HDAC9: variants seen among roughly 807,000 people sequenced by gnomAD.
HDAC9 encodes the protein MEF-2 interacting transcription repressor (MITR) protein.
In HDAC9, 41 loss-of-function variants were observed where a neutral mutation model predicts 139.4. That is an observed-to-expected ratio of 0.29 (90% confidence interval 0.23 to 0.38). HDAC9 has a LOEUF of 0.38. HDAC9 is among the 10% of genes least tolerant of loss of function. The pLI, the probability that HDAC9 is intolerant of heterozygous loss-of-function variation, is 1.00. For synonymous variants in HDAC9, 517 were observed against 476.2 expected (o/e 1.09, Z -1.12); for missense variants, 1,147 against 1,297.0 (o/e 0.88, Z 1.78).
chr7:18,725,648 G>A (rs573292664), intron 12 of HDAC9, among the ~76,000 whole-genome samples: 41 of 151,898 alleles, frequency 2.7e-4, no homozygotes, highest in African/African-American at 9.4e-4. Flanking sequence ...GGGAGGAGAT[G>A]GATATTACAA....
rs192950915 is a variant in HDAC9 at position 18,392,556 on chromosome 7, C to T, written c.-42+102041C>T. 2.1e-3 allele frequency among the ~76,000 whole-genome samples: 320 copies of T among 151,982 alleles called. 4 individuals carry two copies. The highest frequency in any genetic ancestry group is 0.014 in the Middle Eastern group (4 of 294). On this transcript the variant is annotated intron_variant, in intron 1 of 3. Coordinates refer to the HDAC9 transcript ENST00000413509. ...AATTATTATAATTATTAGCTTAAAT[C>T]CTGTTCTCACTCTGGCACCTTTTCT... is the stretch of plus-strand genomic sequence containing the variant.
At chr7:18,175,709 T>C (rs1450079249) in intron 2 of HDAC9, among the ~76,000 whole-genome samples, 1 of 151,816 alleles carries the variant, frequency 6.6e-6, no homozygotes, top group Non-Finnish European at 1.5e-5. Flanking sequence ...TTTTAAAAAA[T>C]ATTGTATTGA....
intron 2 of HDAC9, among the ~76,000 whole-genome samples, chr7:18,509,840 T>A (rs1800922743): frequency 6.6e-6 from 1 of 152,160 alleles, no homozygotes; most frequent in Non-Finnish European, 1.5e-5. Flanking sequence ...ACTGTGACTG[T>A]GTATGTGTGT....
At chr7:18,229,011 C>A (rs1793263727) in intron 2 of HDAC9, among the ~76,000 whole-genome samples, 1 of 151,994 alleles carries the variant, frequency 6.6e-6, no homozygotes, top group South Asian at 2.1e-4. Flanking sequence ...TTCATGGGGC[C>A]CTCTTTAAGA....
intron 2 of HDAC9, among the ~76,000 whole-genome samples, chr7:18,178,090 C>T (rs1480082677): frequency 6.6e-6 from 1 of 150,704 alleles, no homozygotes; most frequent in Admixed American, 6.6e-5. Flanking sequence ...CCCCTCCCCT[C>T]CCCTCTCCTC....
At chr7:18,136,037 A>C (rs1175048223) in intron 1 of HDAC9, among the ~76,000 whole-genome samples, 2,137 of 109,770 alleles carry the variant, frequency 0.019, no homozygotes, top group South Asian at 0.033. Context: ...TTTGATTTGC[A>C]TTTCTCTGAT....
At chr7:18,955,182 A>G (rs1019582779) in intron 24 of HDAC9, among the ~76,000 whole-genome samples, 1 of 152,148 alleles carries the variant, frequency 6.6e-6, no homozygotes. Flanking sequence ...GCTGGGGTGC[A>G]CTATTCAAGT....
chr7:18,337,831 T>C (rs906594529), intron 1 of HDAC9, among the ~76,000 whole-genome samples: 5 of 151,790 alleles, frequency 3.3e-5, no homozygotes, highest in African/African-American at 7.2e-5. Flanking sequence ...GATGGGTAAA[T>C]AACATCTATT....
chr7:18,553,662 T>A (rs1817833765), intron 2 of HDAC9, among the ~76,000 whole-genome samples: 1 of 152,210 alleles, frequency 6.6e-6, no homozygotes, highest in Non-Finnish European at 1.5e-5. Context: ...AGATCTTGAA[T>A]GTCTCTGGGA....
intron 6 of HDAC9, among the ~76,000 whole-genome samples, chr7:18,599,718 T>G (rs550327299): frequency 6.6e-6 from 1 of 152,334 alleles, no homozygotes; most frequent in Admixed American, 6.5e-5. Flanking sequence ...TGCTTCCAAA[T>G]TTTGGTGATT....
intron 2 of HDAC9, among the ~76,000 whole-genome samples, chr7:18,205,087 G>A (rs1029592178): frequency 7.2e-5 from 11 of 151,998 alleles, no homozygotes; most frequent in Admixed American, 2.0e-4. Flanking sequence ...TATAATGATA[G>A]TATATGGCAT....
intron 11 of HDAC9, among the ~76,000 whole-genome samples, chr7:18,663,853 C>T (rs1793975750): frequency 6.6e-6 from 1 of 152,136 alleles, no homozygotes; most frequent in Non-Finnish European, 1.5e-5. Flanking sequence ...GCTCCCCTCA[C>T]CTGCTCTTAT....
intron 12 of HDAC9, chr7:18,667,872 A>T: frequency 1.0e-6 from 1 of 983,084 alleles, no homozygotes; most frequent in South Asian, 4.7e-5. Flanking sequence ...TTATAGGTTT[A>T]CTTTTGTTAA....
Position 18,678,489 on chromosome 7 carries a change from G to A in HDAC9, c.1731+12013G>A, listed in dbSNP as rs372297186. Among the ~76,000 whole-genome samples, 8 of 151,630 alleles carry A rather than the reference G, an allele frequency of 5.3e-5. No homozygotes were observed. The East Asian group carries it at 7.8e-4, about 15-fold the overall frequency. On this transcript the variant is annotated intron_variant, in intron 12 of 25. Coordinates refer to ENST00000686413, the MANE Select transcript of HDAC9 (RefSeq NM_178425.4). Reference sequence around the variant, plus strand: ...AGTAGACTGCTTGATACTGTCTCACGTATCAAGTTTCCATATTTTTTTCTT... The same window carrying A: ...AGTAGACTGCTTGATACTGTCTCACATATCAAGTTTCCATATTTTTTTCTT...
intron 1 of HDAC9, among the ~76,000 whole-genome samples, chr7:18,365,637 G>C (rs2128694859): frequency 4.3e-5 from 1 of 23,242 alleles, no homozygotes; most frequent in African/African-American, 8.0e-5. Context: ...TAGTCTTTAT[G>C]ACTTTTTTTT....
intron 2 of HDAC9, among the ~76,000 whole-genome samples, chr7:18,240,309 A>G (rs571772677): frequency 1.1e-4 from 17 of 151,416 alleles, no homozygotes; most frequent in Middle Eastern, 3.4e-3. Flanking sequence ...GATATTTTCT[A>G]CTGGGGTCCT....
chr7:18,981,725 C>A (rs1483622346), intron 25 of HDAC9, among the ~76,000 whole-genome samples: 1 of 152,118 alleles, frequency 6.6e-6, no homozygotes, highest in Non-Finnish European at 1.5e-5. Context: ...ATTAGACTCA[C>A]CAGGATAATT....
At chr7:18,433,690 C>T (rs545959184) in intron 1 of HDAC9, among the ~76,000 whole-genome samples, 1 of 152,090 alleles carries the variant, frequency 6.6e-6, no homozygotes, top group Non-Finnish European at 1.5e-5. Context: ...CACACCTCCC[C>T]ACCCCAGGAA....
chr7:18,835,764 T>C, intron 20 of HDAC9, 136 bp from the exon 21 acceptor site: 2 of 1,021,704 alleles, frequency 2.0e-6, no homozygotes, highest in Non-Finnish European at 3.0e-6. Context: ...GCACTGTTTG[T>C]CAGGGAAGGT....
Sources: gnomAD v4.1 joint callset for allele counts (sites outside exome capture counted in the v4.1 genomes callset) on GRCh38, gnomAD v4.1.1 for gene constraint, MANE v1.5 for transcripts, NCBI Gene and HGNC (gene_info 2026-07-23, HGNC 2026-07-21) for gene names.